FAM135B: variants seen among roughly 807,000 people sequenced by gnomAD.
The protein encoded by FAM135B is protein FAM135B.
A neutral mutation model predicts 127.7 loss-of-function variants in FAM135B; 43 were observed. The observed-to-expected ratio is 0.34, with a 90% confidence interval of 0.26 to 0.43. The LOEUF (loss-of-function observed/expected upper bound fraction) is 0.43. FAM135B is among the 20% of genes least tolerant of loss of function. The probability of loss-of-function intolerance (pLI) is 1.00; values close to 1 mark genes in which losing one functional copy is unlikely to be tolerated. For missense variants in FAM135B, 1,558 were observed against 1,725.6 expected, an observed-to-expected ratio of 0.90 and a Z score of 1.72; for synonymous variants, 670 against 665.1, an observed-to-expected ratio of 1.01 and a Z score of -0.11.
chr8:138,250,170 T>C (rs1304709576), intron 6 of FAM135B, among the ~76,000 whole-genome samples: 1 of 151,960 alleles, frequency 6.6e-6, no homozygotes, highest in Non-Finnish European at 1.5e-5. Flanking sequence ...CTGGCCAACA[T>C]GGTGAAACCC....
chr8:138,350,781 G>T (rs1218738822), intron 2 of FAM135B, among the ~76,000 whole-genome samples: 1 of 152,218 alleles, frequency 6.6e-6, no homozygotes, highest in East Asian at 1.9e-4. Flanking sequence ...AAGCTAAGCT[G>T]TGTGATATAT....
chr8:138,383,897 C>A (rs774696985), intron 1 of FAM135B, among the ~76,000 whole-genome samples: 1 of 152,228 alleles, frequency 6.6e-6, no homozygotes, highest in African/African-American at 2.4e-5. Context: ...CCCTTTGGTG[C>A]CCATTGTCCT....
At chr8:138,306,860 A>T (rs992073691) in intron 3 of FAM135B, among the ~76,000 whole-genome samples, 1 of 152,168 alleles carries the variant, frequency 6.6e-6, no homozygotes, top group African/African-American at 2.4e-5. Context: ...CTGGGATTAC[A>T]GGTGTGAGCC....
At chr8:138,497,518 G>A (rs1815445447), upstream of FAM135B, among the ~76,000 whole-genome samples, 1 of 152,198 alleles carries the variant, frequency 6.6e-6, no homozygotes, top group African/African-American at 2.4e-5. Flanking sequence ...GATATCCGGG[G>A]GCGGGGCGCG....
Position 138,197,663 on chromosome 8 carries a change from A to G in FAM135B, c.676T>C (p.Phe226Leu). ...ATGCAGTTCTCAGAGGTGATGTAGA[A>G]GCTTCCCTAAGGGGTGAAACAGAAA... ...YCKPTSSEGSFYITSENCMQH... is the reference protein window; with the variant it reads ...YCKPTSSEGSLYITSENCMQH... The change falls in exon 8 of 20, where the codon TTC becomes CTC. Residue 226 changes from phenylalanine (F) to leucine (L), a missense_variant. By Grantham distance (22) the Phe-to-Leu change is conservative (BLOSUM62 0). Around this residue, in one of 5 missense-constraint regions of FAM135B, gnomAD observed 127 missense variants for 109.7 expected, o/e 1.16. Coordinates refer to ENST00000395297, the MANE Select transcript of FAM135B (RefSeq NM_015912.4). The G allele has an allele frequency of 6.2e-7, 1 of 1,613,810 alleles. No individual in the cohort carries two copies. Among genetic ancestry groups the G allele is most frequent in the Non-Finnish European group, 8.5e-7 (1 of 1,179,734 alleles).
intron 1 of FAM135B, among the ~76,000 whole-genome samples, chr8:138,397,997 C>T (rs1009248631): frequency 1.3e-5 from 2 of 152,194 alleles, no homozygotes; most frequent in Non-Finnish European, 2.9e-5. Flanking sequence ...CACCTTTGCA[C>T]ACCTTCAGCC....
At chr8:138,182,483 C>T (rs1209503046) in intron 9 of FAM135B, among the ~76,000 whole-genome samples, 1 of 152,196 alleles carries the variant, frequency 6.6e-6, no homozygotes, top group East Asian at 1.9e-4. Flanking sequence ...CACCTTTGTT[C>T]ACTCCCCTAC....
intron 1 of FAM135B, among the ~76,000 whole-genome samples, chr8:138,457,499 C>T (rs1382980516): frequency 6.6e-6 from 1 of 152,124 alleles, no homozygotes; most frequent in African/African-American, 2.4e-5. Context: ...ATGAGCATGG[C>T]ATCACCAACT....
intron 1 of FAM135B, among the ~76,000 whole-genome samples, chr8:138,408,153 G>C (rs949247217): frequency 1.3e-5 from 2 of 152,208 alleles, no homozygotes; most frequent in Admixed American, 1.3e-4. Flanking sequence ...CCTAACAAAA[G>C]ACGTCAGCCT....
At chr8:138,270,739 G>A (rs1448263988) in intron 3 of FAM135B, among the ~76,000 whole-genome samples, 1 of 152,198 alleles carries the variant, frequency 6.6e-6, no homozygotes, top group Non-Finnish European at 1.5e-5. Context: ...CACCCAGTAG[G>A]GTAAAGCCCT....
At chr8:138,258,803 C>CACACA (rs112481181) in intron 4 of FAM135B, among the ~76,000 whole-genome samples, 2 of 146,634 alleles carry the variant, frequency 1.4e-5, no homozygotes, top group Admixed American at 6.8e-5. Flanking sequence ...GACACACACA[C>CACACA]CACACACACA....
chr8:138,429,519 A>C (rs1305845557), intron 1 of FAM135B, among the ~76,000 whole-genome samples: 3 of 152,166 alleles, frequency 2.0e-5, no homozygotes, highest in African/African-American at 7.2e-5. Context: ...GTTGACGACA[A>C]AAGAAATGAG....
chr8:138,350,242 T>C lies in FAM135B; in HGVS notation c.77+17665A>G, dbSNP rs79623172. Among the ~76,000 whole-genome samples the C allele has an allele frequency of 8.9e-3, 1,353 of 152,282 alleles. 26 individuals carry two copies. Among genetic ancestry groups the C allele is most frequent in the African/African-American group, 0.031 (1,297 of 41,560 alleles). The stretch of plus-strand genomic sequence containing the variant: ...AGAATATGTTACATGAAGTGCTTCA[T>C]GTAAACAGACAGCAAAACATACTAT... On this transcript the variant is annotated intron_variant, in intron 2 of 19. Transcript: ENST00000395297.
chr8:138,348,204 G>C (rs1021157284), intron 2 of FAM135B, among the ~76,000 whole-genome samples: 22 of 124,402 alleles, frequency 1.8e-4, no homozygotes, highest in Admixed American at 1.1e-3. Flanking sequence ...GCTCCATCTC[G>C]GCTCACCGCA....
At chr8:138,364,886 C>T (rs1830645746) in intron 2 of FAM135B, among the ~76,000 whole-genome samples, 1 of 152,054 alleles carries the variant, frequency 6.6e-6, no homozygotes, top group East Asian at 1.9e-4. Flanking sequence ...CTCGCTGTGT[C>T]ACCCAGGCTA....
At position 138,215,693 on chromosome 8, in the gene FAM135B, T is replaced by G. The variant is rs141182940; in HGVS notation, c.670-18024A>C. ...ACATTATAGAACCCCCAAATCATGT[T>G]GCATTAATTGATACATCAATAATAA... is the stretch of plus-strand genomic sequence containing the variant. On this transcript the variant is annotated intron_variant, in intron 7 of 19. Coordinates refer to ENST00000395297, the MANE Select transcript of FAM135B (RefSeq NM_015912.4). Among the ~76,000 whole-genome samples the G allele has an allele frequency of 2.5e-3, 376 of 152,330 alleles. 4 individuals carry two copies. The highest frequency in any genetic ancestry group is 8.8e-3 in the African/African-American group (364 of 41,582).
chr8:138,357,432 T>C (rs1047340098), intron 2 of FAM135B, among the ~76,000 whole-genome samples: 7 of 152,268 alleles, frequency 4.6e-5, no homozygotes, highest in African/African-American at 1.7e-4. Flanking sequence ...GAGTAACTTA[T>C]ACACTACATT....
intron 3 of FAM135B, among the ~76,000 whole-genome samples, chr8:138,307,298 T>C (rs35918330): frequency 6.6e-6 from 1 of 152,290 alleles, no homozygotes; most frequent in Non-Finnish European, 1.5e-5. Flanking sequence ...ATGTGACTTG[T>C]TCCTTCTTGC....
intron 11 of FAM135B, among the ~76,000 whole-genome samples, chr8:138,177,018 T>C (rs1461498816): frequency 6.6e-6 from 1 of 152,208 alleles, no homozygotes. Flanking sequence ...TTTTCTGACA[T>C]AGTTTGAGGC....
Sources: gnomAD v4.1 joint callset for allele counts (sites outside exome capture counted in the v4.1 genomes callset) on GRCh38, gnomAD v4.1.1 for gene constraint, gnomAD v4.1.1 regional missense constraint, MANE v1.5 for transcripts, NCBI Gene and HGNC (gene_info 2026-07-23, HGNC 2026-07-21) for gene names.